DYNC1H1: variants seen among roughly 807,000 people sequenced by gnomAD.
DYNC1H1 encodes cytoplasmic dynein 1 heavy chain 1.
A neutral mutation model predicts 527.1 loss-of-function variants in DYNC1H1; 51 were observed. That is an observed-to-expected ratio of 0.10 (90% confidence interval 0.08 to 0.12). DYNC1H1 has a LOEUF of 0.12. Ranked by LOEUF, DYNC1H1 falls within the 10% of genes least tolerant of loss-of-function variation. The pLI, the probability that DYNC1H1 is intolerant of heterozygous loss-of-function variation, is 1.00. For synonymous variants in DYNC1H1, 2,189 were observed against 2,278.8 expected, an observed-to-expected ratio of 0.96 and a Z score of 1.12; for missense variants, 2,771 against 5,971.8, an observed-to-expected ratio of 0.46 and a Z score of 17.66.
Position 102,016,492 on chromosome 14 carries a change from G to A in DYNC1H1, c.7614+3G>A. On this transcript the variant is annotated splice_donor_region_variant and intron_variant, in intron 37 of 77. Transcript: ENST00000360184. The surrounding 1 kb of genome is among the most constrained non-coding windows in gnomAD (Gnocchi z 7.3). ...ACATACCCATTATCGATTATGAGGT[G>A]AGCATGCAGCTACCACCCGTGTTTC... is the stretch of plus-strand genomic sequence containing the variant. 6.2e-7 allele frequency: 1 copy of A among 1,614,162 alleles called. No homozygotes were observed. The highest frequency in any genetic ancestry group is 2.2e-5 in the East Asian group (1 of 44,884).
At position 101,965,034 on chromosome 14, in the gene DYNC1H1, C is replaced by T; in HGVS notation, c.256+87C>T. 1 of 1,413,814 alleles carries T rather than the reference C, an allele frequency of 7.1e-7. No homozygotes were observed. The highest frequency in any genetic ancestry group is 1.3e-5 in the South Asian group (1 of 77,746). The allele number at this position is 1,413,814 out of a possible 1,614,324, so 87.6% of individuals were successfully genotyped here. ...GGTCCTCCGGGGTCGCAGATGTCCC[C>T]GGGATGGGAGGAGCCCGGCAGCTGC... is the stretch of plus-strand genomic sequence containing the variant. On this transcript the variant is annotated intron_variant, in intron 1 of 77. Coordinates refer to ENST00000360184, the MANE Select transcript of DYNC1H1 (RefSeq NM_001376.5). This position sits in a 1 kb window ranked among gnomAD's most constrained non-coding sequence, Gnocchi z 4.1.
chr14:101,998,952 G>A (rs908944987), intron 16 of DYNC1H1, among the ~76,000 whole-genome samples: 4 of 135,160 alleles, frequency 3.0e-5, no homozygotes, highest in East Asian at 2.3e-4. Flanking sequence ...CGCAATCTCC[G>A]CTCACTGCAA....
chr14:102,047,991 C>T lies in DYNC1H1; in HGVS notation c.13181C>T (p.Thr4394Met), dbSNP rs149300055. 5.7e-4 allele frequency: 924 copies of T among 1,612,286 alleles called. No homozygotes were observed. The highest frequency in any genetic ancestry group is 7.3e-4 in the Non-Finnish European group (858 of 1,179,962). The change falls in exon 73 of 78, where the codon ACG becomes ATG. Residue 4394 changes from threonine to methionine, a missense_variant. Coordinates refer to ENST00000360184, the MANE Select transcript of DYNC1H1 (RefSeq NM_001376.5). The stretch of plus-strand genomic sequence containing the variant: ...AACTGGCTGCACCTCATCCCCCAGA[C>T]GCTGAGCCACCTCAAGCGCACCGTG... Reference protein sequence around the residue: ...ASNWLHLIPQTLSHLKRTVEN... With the variant: ...ASNWLHLIPQMLSHLKRTVEN...
rs1321404947 is a variant in DYNC1H1 at position 102,006,016 on chromosome 14, A to G, written c.5562A>G (p.Leu1854=). ...FYFDPKQTDV[L]QQLSIQMANA... ...TTGACCCTAAGCAAACTGATGTGTT[A>G]CAGCAGTTGTCAATTCAAATGGCAA... Residue 1854 remains leucine, a synonymous_variant, in exon 27 of 78, where the codon TTA becomes TTG. Coordinates refer to ENST00000360184, the MANE Select transcript of DYNC1H1 (RefSeq NM_001376.5). The G allele has an allele frequency of 1.9e-6, 3 of 1,614,120 alleles. No homozygotes were observed. The highest frequency in any genetic ancestry group is 2.5e-6 in the Non-Finnish European group (3 of 1,180,046).
In DYNC1H1 at chr14:102,042,847, G is replaced by C. The variant is rs977754539; in HGVS notation, c.12513+99G>C. The C allele has an allele frequency of 1.3e-5, 18 of 1,378,108 alleles. No individual in the cohort carries two copies. The highest frequency in any genetic ancestry group is 2.1e-4 in the Middle Eastern group (1 of 4,694). The allele number at this position is 1,378,108 out of a possible 1,614,324, so 85.4% of individuals were successfully genotyped here. A position where few individuals can be genotyped will look rare whatever the true frequency, so the allele number is the denominator to read the frequency against. On this transcript the variant is annotated intron_variant, in intron 69 of 77. Transcript: ENST00000360184. This position sits in a 1 kb window ranked among gnomAD's most constrained non-coding sequence, Gnocchi z 5.7. ...GGGTCCCTGGGCCCCCGGAAGTGCCGTGTGGTGAACTGCACAGCTGCTTTT... is the reference window on the plus strand; with the variant it reads ...GGGTCCCTGGGCCCCCGGAAGTGCCCTGTGGTGAACTGCACAGCTGCTTTT...
intron 57 of DYNC1H1, chr14:102,037,569 A>T (rs117687490): frequency 6.6e-6 from 1 of 152,204 alleles, no homozygotes; most frequent in South Asian, 2.1e-4. Context: ...AGATGTTCTC[A>T]CTTAGAAGTG....
chr14:102,039,008 T>G lies in DYNC1H1; in HGVS notation c.11214T>G (p.Phe3738Leu). Residue 3738 changes from phenylalanine to leucine, a missense_variant, in exon 60 of 78, where the codon TTT becomes TTG. By Grantham distance (22) the Phe-to-Leu change is conservative. Transcript: ENST00000360184. The surrounding 1 kb of genome is among the most constrained non-coding windows in gnomAD (Gnocchi z 7.0). Reference sequence around the variant, plus strand: ...ATGTTTTATTCATTTAAGGGGAATTTCAGCTCCGTTTGCGTCAGCTGGAAA... The same window carrying G: ...ATGTTTTATTCATTTAAGGGGAATTGCAGCTCCGTTTGCGTCAGCTGGAAA... ...RSDLLKLQGEFQLRLRQLEKS... is the reference protein window; with the variant it reads ...RSDLLKLQGELQLRLRQLEKS... The G allele has an allele frequency of 6.2e-7, 1 of 1,614,108 alleles. No homozygotes were observed. The highest frequency in any genetic ancestry group is 8.5e-7 in the Non-Finnish European group (1 of 1,180,032).
Position 102,011,090 on chromosome 14 carries a change from C to A in DYNC1H1, c.6618+138C>A. ...GCATAATATGCTTTATGAAGATTTG[C>A]CCAAGGCCTATTTGAATTTTTGTTG... is the stretch of plus-strand genomic sequence containing the variant. On this transcript the variant is annotated intron_variant, in intron 32 of 77. Transcript: ENST00000360184. The surrounding 1 kb of genome is among the most constrained non-coding windows in gnomAD (Gnocchi z 5.3). 2 of 927,676 alleles carry A rather than the reference C, an allele frequency of 2.2e-6. No homozygotes were observed. Among genetic ancestry groups the A allele is most frequent in the Non-Finnish European group, 3.5e-6 (2 of 578,580 alleles). 57.5% of individuals were successfully genotyped at this position (927,676 alleles called of 1,614,324 possible). A position where few individuals can be genotyped will look rare whatever the true frequency, so the allele number is the denominator to read the frequency against.
intron 63 of DYNC1H1, 43 bp from the exon 64 acceptor site, chr14:102,040,555 G>C: frequency 6.2e-7 from 1 of 1,613,770 alleles, no homozygotes; most frequent in Non-Finnish European, 8.5e-7. Flanking sequence ...CTGCCCCAGA[G>C]GCCAGCCCTG....
In DYNC1H1 at chr14:101,985,645, C is replaced by T. The variant is rs558597281; in HGVS notation, c.1462-42C>T. ...GGCTTAAAATAAATTTTAAAGCCTTCGTTTGGTCAGCATTTCTTGATTACA... is the reference window on the plus strand; with the variant it reads ...GGCTTAAAATAAATTTTAAAGCCTTTGTTTGGTCAGCATTTCTTGATTACA... On this transcript the variant is annotated intron_variant, in intron 7 of 77. Coordinates refer to ENST00000360184, the MANE Select transcript of DYNC1H1 (RefSeq NM_001376.5). This position sits in a 1 kb window ranked among gnomAD's most constrained non-coding sequence, Gnocchi z 5.9. 1.5e-4 allele frequency: 241 copies of T among 1,609,534 alleles called. No homozygotes were observed. Among genetic ancestry groups the T allele is most frequent in the Middle Eastern group, 5.0e-4 (3 of 6,048 alleles).
Position 102,051,829 on chromosome 14 carries a change from C to G in DYNC1H1, c.*1266C>G, listed in dbSNP as rs529902492. On this transcript the variant is annotated 3_prime_UTR_variant, in exon 78 of 78. Transcript: ENST00000360184. ...TCGGCCTCCTGAATAGCTGGGATTA[C>G]AGGCATGCACCACCATGCCCAGCTA... The G allele has an allele frequency of 6.6e-6, 1 of 152,068 alleles. No homozygotes were observed. The allele number at this position is 152,068 out of a possible 1,614,324, so 9.4% of individuals were successfully genotyped here.
intron 62 of DYNC1H1, 67 bp from the exon 63 acceptor site, chr14:102,040,169 G>A: frequency 1.3e-6 from 2 of 1,596,306 alleles, no homozygotes; most frequent in East Asian, 4.5e-5. Flanking sequence ...TTAAATCACA[G>A]CTGTTATCTT....
Position 102,015,053 on chromosome 14 carries a change from C to T in DYNC1H1, c.7015-52C>T, listed in dbSNP as rs79333446. ...ATATAGGTAAAAGAATCTTAATGTC[C>T]AGGTTTCTTCCAAACCTATGTCATT... On this transcript the variant is annotated intron_variant, in intron 34 of 77. Transcript: ENST00000360184. The surrounding 1 kb of genome is among the most constrained non-coding windows in gnomAD (Gnocchi z 6.9). 72 of 1,585,662 alleles carry T rather than the reference C, an allele frequency of 4.5e-5. No individual in the cohort carries two copies. The East Asian group carries it at 1.6e-3, about 35-fold the overall frequency.
In DYNC1H1 at chr14:102,018,087, C is replaced by A. The variant is rs2048346058; in HGVS notation, c.8178-364C>A. 1 of 248,764 alleles carries A rather than the reference C, an allele frequency of 4.0e-6. No individual in the cohort carries two copies. Among genetic ancestry groups the A allele is most frequent in the African/African-American group, 2.3e-5 (1 of 44,398 alleles). 15.4% of individuals were successfully genotyped at this position (248,764 alleles called of 1,614,324 possible). ...CACCACTGCACTCCAGCCTGGGCAA[C>A]AGAGCAAGACTCCATCTCAAAATAA... On this transcript the variant is annotated intron_variant, in intron 40 of 77. Transcript: ENST00000360184. This position sits in a 1 kb window ranked among gnomAD's most constrained non-coding sequence, Gnocchi z 5.2.
rs1336516693 is a variant in DYNC1H1, at chr14:102,017,164, G to C, written c.7925G>C (p.Arg2642Thr). 6.2e-7 allele frequency: 1 copy of C among 1,614,248 alleles called. No individual in the cohort carries two copies. The highest frequency in any genetic ancestry group is 1.1e-5 in the South Asian group (1 of 91,088). The stretch of plus-strand genomic sequence containing the variant: ...ACTTTTGATCACTACTGCGAGTACA[G>C]GCGCACACCTAATGGGGTGGTTTTG... ...LKTFDHYCEY[R>T]RTPNGVVLAP... Residue 2642 changes from arginine (R) to threonine (T), a missense_variant, in exon 39 of 78, where the codon AGG becomes ACG. Arg to Thr is a moderately conservative substitution (Grantham distance 71). Coordinates refer to ENST00000360184, the MANE Select transcript of DYNC1H1 (RefSeq NM_001376.5). This position sits in a 1 kb window ranked among gnomAD's most constrained non-coding sequence, Gnocchi z 4.6.
chr14:102,032,132 C>A (rs2048516591), intron 51 of DYNC1H1, 140 bp from the exon 52 acceptor site: 2 of 1,009,166 alleles, frequency 2.0e-6, no homozygotes, highest in African/African-American at 1.6e-5. Flanking sequence ...AAAAGTCTCT[C>A]ATTTCTTAGC....
At chr14:101,977,937 A>T (rs2047820154) in intron 2 of DYNC1H1, among the ~76,000 whole-genome samples, 1 of 152,158 alleles carries the variant, frequency 6.6e-6, no homozygotes, top group Non-Finnish European at 1.5e-5. Flanking sequence ...TCCAAGCTGG[A>T]GTGCAGTGGG....
Position 101,998,873 on chromosome 14 carries a change from CTTTTTCTTTT to C in DYNC1H1, c.3805-1110_3805-1101del, listed in dbSNP as rs1328924882. Among the ~76,000 whole-genome samples, 923 of 129,588 alleles carry C rather than the reference CTTTTTCTTTT, an allele frequency of 7.1e-3. 15 individuals carry two copies. Among genetic ancestry groups the C allele is most frequent in the African/African-American group, 0.031 (880 of 28,078 alleles). The allele number at this position is 129,588 out of a possible 152,430, so 85.0% of individuals were successfully genotyped here. A position where few individuals can be genotyped will look rare whatever the true frequency, so the allele number is the denominator to read the frequency against. On this transcript the variant is annotated intron_variant, in intron 16 of 77. Transcript: ENST00000360184. Reference sequence around the variant, plus strand: ...TGCCAGTAATGTGTTAGAGTTAAAACTTTTTCTTTTTTTTTTTTTTTTTTTTGAGACGGAG... The same window carrying C: ...TGCCAGTAATGTGTTAGAGTTAAAACTTTTTTTTTTTTTTTTGAGACGGAG...
intron 63 of DYNC1H1, 67 bp downstream of exon 63, chr14:102,040,477 G>A (rs538288706): frequency 6.2e-7 from 1 of 1,612,832 alleles, no homozygotes; most frequent in South Asian, 1.1e-5. Context: ...GTAAGGAATT[G>A]CATGTGGTAT....
Sources: allele counts gnomAD v4.1 joint callset (sites outside exome capture counted in the v4.1 genomes callset), GRCh38; gene constraint gnomAD v4.1.1; non-coding constraint Gnocchi (gnomAD v3.1); transcripts MANE v1.5; gene names NCBI Gene and HGNC (gene_info 2026-07-23, HGNC 2026-07-21).